The following ABCG8 variants were observed in gnomAD, a reference collection of about 807,000 sequenced individuals.
The protein encoded by ABCG8 is ATP-binding cassette sub-family G member 8.
Under a neutral mutation model 71.3 loss-of-function variants are expected in ABCG8, and 81 were observed. That is an observed-to-expected ratio of 1.14 (90% CI 0.95 to 1.37). The LOEUF is 1.37. Among genes scored for constraint, ABCG8 ranks in the 40% most tolerant of loss-of-function variants. ABCG8 has a pLI of 0.00. For synonymous variants in ABCG8, 451 were observed against 354.7 expected (o/e 1.27, Z -3.05); for missense variants, 1,119 against 866.2 (o/e 1.29, Z -3.66).
At position 43,846,166 on chromosome 2, in the gene ABCG8, C is replaced by T; in HGVS notation, c.177C>T (p.Ala59=). Residue 59 remains alanine (A), a synonymous_variant, in exon 3 of 13, where the codon GCC becomes GCT. Coordinates refer to ENST00000272286, the MANE Select transcript of ABCG8 (RefSeq NM_022437.3). ...VRDLNYQVDL[A]SQVPWFEQLA... is the part of the protein sequence containing the mutation. ...ATATCTCCCCACAGGTGGACCTGGC[C>T]TCTCAGGTCCCTTGGTTTGAGCAGC... The T allele has an allele frequency of 6.2e-7, 1 of 1,613,512 alleles. No homozygotes were observed. Among genetic ancestry groups the T allele is most frequent in the Non-Finnish European group, 8.5e-7 (1 of 1,180,002 alleles).
rs1021585205 is a variant in ABCG8 at position 43,877,473 on chromosome 2, T to C, written c.1757-88T>C. The C allele has an allele frequency of 2.2e-5, 19 of 863,376 alleles. 1 individual carries two copies. Among genetic ancestry groups the C allele is most frequent in the East Asian group, 7.3e-5 (3 of 41,092 alleles). 53.5% of individuals were successfully genotyped at this position (863,376 alleles called of 1,614,324 possible). On this transcript the variant is annotated intron_variant, in intron 11 of 12. Transcript: ENST00000272286. ...GCAGACCATGGGAATATGGGGAGAC[T>C]CTGTGAATATGGGGGAGACCATGCG...
At position 43,851,775 on chromosome 2, in the gene ABCG8, C is replaced by G. The variant is rs1396980444; in HGVS notation, c.514C>G (p.Gln172Glu). ...GCGAGAGACCTTGGCCTTCATTGCC[C>G]AGATGCGGCTGCCCAGAACCTTCTC... ...TVRETLAFIA[Q>E]MRLPRTFSQA... Residue 172 changes from glutamine to glutamate, a missense_variant, in exon 4 of 13, where the codon CAG (glutamine) becomes GAG (glutamate). Coordinates refer to ENST00000272286, the MANE Select transcript of ABCG8 (RefSeq NM_022437.3). 1.2e-6 allele frequency: 2 copies of G among 1,614,122 alleles called. No individual in the cohort carries two copies. The highest frequency in any genetic ancestry group is 1.7e-6 in the Non-Finnish European group (2 of 1,180,052).
chr2:43,857,176 T>A (rs1669141532), intron 6 of ABCG8, among the ~76,000 whole-genome samples: 1 of 151,846 alleles, frequency 6.6e-6, no homozygotes, highest in Non-Finnish European at 1.5e-5. Context: ...GAACTCTCAC[T>A]ATCTATCTGG....
chr2:43,841,141 C>A (rs1300822951), intron 1 of ABCG8, among the ~76,000 whole-genome samples: 4 of 152,220 alleles, frequency 2.6e-5, no homozygotes, highest in Non-Finnish European at 5.9e-5. Flanking sequence ...CCTGCGTGTC[C>A]TCTTGCCAAC....
Position 43,875,300 on chromosome 2 carries a change from C to T in ABCG8, c.1643C>T (p.Ala548Val), listed in dbSNP as rs201258947. 1.9e-5 allele frequency: 31 copies of T among 1,614,024 alleles called. No homozygotes were observed. The highest frequency in any genetic ancestry group is 2.5e-5 in the Non-Finnish European group (30 of 1,180,044). The change falls in exon 11 of 13, where the codon GCC (alanine) becomes GTC (valine). Residue 548 changes from alanine to valine, a missense_variant. Transcript: ENST00000272286. ...VVFCCRIMAL[A>V]AAALLPTFHM... The stretch of plus-strand genomic sequence containing the variant: ...TTCTGTTGCAGGATTATGGCCCTGG[C>T]CGCCGCGGCCCTGCTCCCCACCTTC...
intron 3 of ABCG8, among the ~76,000 whole-genome samples, chr2:43,849,845 G>T (rs990605564): frequency 6.6e-6 from 1 of 152,112 alleles, no homozygotes; most frequent in African/African-American, 2.4e-5. Flanking sequence ...TCTACCCTGA[G>T]AGCCTCTGCA....
chr2:43,863,948 T>C (rs940692239), intron 6 of ABCG8, among the ~76,000 whole-genome samples: 30 of 151,262 alleles, frequency 2.0e-4, no homozygotes, highest in African/African-American at 6.3e-4. Context: ...CTGGATAGGA[T>C]TCTCACTCTG....
At position 43,855,818 on chromosome 2, in the gene ABCG8, C is replaced by T. The variant is rs556291808; in HGVS notation, c.964+2950C>T. ...ACTATCTATCTGGATGGGATTCTCCCTCTATGGATAGAACTCTCAGTGTAT... is the reference window on the plus strand; with the variant it reads ...ACTATCTATCTGGATGGGATTCTCCTTCTATGGATAGAACTCTCAGTGTAT... On this transcript the variant is annotated intron_variant, in intron 6 of 12. Coordinates refer to ENST00000272286, the MANE Select transcript of ABCG8 (RefSeq NM_022437.3). Among the ~76,000 whole-genome samples the T allele has an allele frequency of 6.6e-5, 10 of 152,284 alleles. No homozygotes were observed. The South Asian group carries it at 2.1e-3, about 32-fold the overall frequency.
chr2:43,874,133 C>T, intron 9 of ABCG8, 147 bp downstream of exon 9: 1 of 954,048 alleles, frequency 1.0e-6, no homozygotes, highest in Non-Finnish European at 1.6e-6. Context: ...TTAATATTAG[C>T]ATACAAATGA....
rs1410137389 is a variant in ABCG8 at position 43,852,639 on chromosome 2, C to G, written c.735C>G (p.Ser245Arg). 1.2e-6 allele frequency: 2 copies of G among 1,614,194 alleles called. No individual in the cohort carries two copies. The highest frequency in any genetic ancestry group is 1.7e-6 in the Non-Finnish European group (2 of 1,180,038). The change falls in exon 6 of 13, where the codon AGC (serine) becomes AGG (arginine). Residue 245 changes from serine (S) to arginine (R), a missense_variant. Physicochemically the swap from Ser to Arg is moderately radical, Grantham distance 110. Transcript: ENST00000272286. ...ACGAACCCACCTCTGGGCTCGACAGCTTCACAGCCCACAACCTGGTGAAGA... is the reference window on the plus strand; with the variant it reads ...ACGAACCCACCTCTGGGCTCGACAGGTTCACAGCCCACAACCTGGTGAAGA... ...ILDEPTSGLD[S>R]FTAHNLVKTL...
Position 43,859,207 on chromosome 2 carries a change from C to T in ABCG8, c.964+6339C>T, listed in dbSNP as rs188228727. Among the ~76,000 whole-genome samples, 622 of 150,670 alleles carry T rather than the reference C, an allele frequency of 4.1e-3. 1 individual carries two copies. Among genetic ancestry groups the T allele is most frequent in the Non-Finnish European group, 7.2e-3 (487 of 67,270 alleles). ...TGTCTATCTGGATAGAATTCTCTCC[C>T]TCTGGATACAACTCTCACTATCTGG... On this transcript the variant is annotated intron_variant, in intron 6 of 12. Coordinates refer to ENST00000272286, the MANE Select transcript of ABCG8 (RefSeq NM_022437.3).
At position 43,852,613 on chromosome 2, in the gene ABCG8, G is replaced by C. The variant is rs201868259; in HGVS notation, c.709G>C (p.Asp237His). 3 of 1,614,094 alleles carry C rather than the reference G, an allele frequency of 1.9e-6. No homozygotes were observed. Among genetic ancestry groups the C allele is most frequent in the African/African-American group, 1.3e-5 (1 of 75,028 alleles). ...LLWNPGILIL[D>H]EPTSGLDSFT... The stretch of plus-strand genomic sequence containing the variant: ...GTGTTGGAAAGGAATCCTTATTCTC[G>C]ACGAACCCACCTCTGGGCTCGACAG... The change falls in exon 6 of 13, where the codon GAC becomes CAC. Residue 237 changes from aspartate to histidine, a missense_variant. Coordinates refer to ENST00000272286, the MANE Select transcript of ABCG8 (RefSeq NM_022437.3).
chr2:43,865,796 G>A (rs1425875183), intron 6 of ABCG8, among the ~76,000 whole-genome samples: 1 of 150,878 alleles, frequency 6.6e-6, no homozygotes, highest in Non-Finnish European at 1.5e-5. Context: ...TCACCATCTG[G>A]ATAGAACTTT....
In ABCG8 at chr2:43,879,575, A is replaced by G. The variant is rs1237962937; in HGVS notation, c.*1662A>G. 2.0e-5 allele frequency: 3 copies of G among 152,264 alleles called. No homozygotes were observed. The highest frequency in any genetic ancestry group is 7.2e-5 in the African/African-American group (3 of 41,466). 9.4% of individuals were successfully genotyped at this position (152,264 alleles called of 1,614,324 possible). The stretch of plus-strand genomic sequence containing the variant: ...TTGCACGGTCATGTTGCCACCATCC[A>G]ACCTGCAGACCCCATTCTTGAGATT... On this transcript the variant is annotated 3_prime_UTR_variant, in exon 13 of 13. Transcript: ENST00000272286.
Position 43,877,935 on chromosome 2 carries a change from CTGGTGGGGGACCTGAG to C in ABCG8, c.*23_*38del, listed in dbSNP as rs779218853. On this transcript the variant is annotated 3_prime_UTR_variant, in exon 13 of 13. Transcript: ENST00000272286. ...GTGATTCACGCCAGACGTCTGCCCGCTGGTGGGGGACCTGAGCAGACCCTTCAACTGCACTCCCTCC... is the reference window on the plus strand; with the variant it reads ...GTGATTCACGCCAGACGTCTGCCCGCCAGACCCTTCAACTGCACTCCCTCC... The C allele has an allele frequency of 1.9e-6, 3 of 1,614,104 alleles. No individual in the cohort carries two copies. The Admixed American group carries it at 5.0e-5, about 27-fold the overall frequency.
chr2:43,868,482 A>G (rs13395859), intron 6 of ABCG8, among the ~76,000 whole-genome samples: 66,385 of 151,780 alleles, frequency 0.44, 15,268 homozygotes, highest in East Asian at 0.86. Flanking sequence ...GTCTCTGGAT[A>G]GAAGTCTCAT....
At position 43,852,957 on chromosome 2, in the gene ABCG8, G is replaced by A. The variant is rs963739749; in HGVS notation, c.964+89G>A. 4.9e-5 allele frequency: 75 copies of A among 1,523,562 alleles called. 1 individual carries two copies. Among genetic ancestry groups the A allele is most frequent in the South Asian group, 2.3e-4 (20 of 87,074 alleles). The allele number at this position is 1,523,562 out of a possible 1,614,324, so 94.4% of individuals were successfully genotyped here. On this transcript the variant is annotated intron_variant, in intron 6 of 12. Transcript: ENST00000272286. The stretch of plus-strand genomic sequence containing the variant: ...GCCCAAGCTTGCTGGAAAGATTCAG[G>A]GGAGAAACTCCCAGAGGTTTCAGGA...
intron 1 of ABCG8, among the ~76,000 whole-genome samples, chr2:43,841,572 G>T: frequency 6.6e-6 from 1 of 152,182 alleles, no homozygotes; most frequent in East Asian, 1.9e-4. Flanking sequence ...CGAAAGATGA[G>T]CTGCCTGTGC....
chr2:43,874,322 A>T, intron 9 of ABCG8, 85 bp from the exon 10 acceptor site: 1 of 1,156,392 alleles, frequency 8.6e-7, no homozygotes, highest in Non-Finnish European at 1.3e-6. Context: ...AACTACTTTG[A>T]ATTGTATTAA....
Sources: gnomAD v4.1 joint callset for allele counts (sites outside exome capture counted in the v4.1 genomes callset) on GRCh38, gnomAD v4.1.1 for gene constraint, MANE v1.5 for transcripts, NCBI Gene and HGNC (gene_info 2026-07-23, HGNC 2026-07-21) for gene names.